SSUH2: variants seen among roughly 807,000 people sequenced by gnomAD.
SSUH2 encodes the protein protein SSUH2 homolog.
In SSUH2, 47 loss-of-function variants were observed where a neutral mutation model predicts 55.3. That is an observed-to-expected ratio of 0.85 (90% CI 0.67 to 1.08). The LOEUF is 1.08. Ranked by LOEUF, SSUH2 falls within the 50% of genes least tolerant of loss-of-function variation. The pLI is 0.00. For synonymous variants in SSUH2, 212 were observed against 191.5 expected (o/e 1.11, Z -0.89); for missense variants, 535 against 490.7 (o/e 1.09, Z -0.85).
intron 7 of SSUH2, among the ~76,000 whole-genome samples, chr3:8,654,339 A>G (rs548970692): frequency 6.6e-6 from 1 of 152,366 alleles, no homozygotes; most frequent in South Asian, 2.1e-4. Context: ...TGAATTTTCA[A>G]CAAAAGAATC....
At chr3:8,678,866 C>A (rs1294143672) in intron 2 of SSUH2, among the ~76,000 whole-genome samples, 2 of 112,194 alleles carry the variant, frequency 1.8e-5, no homozygotes, top group African/African-American at 6.3e-5. Context: ...TTCCCCCAGC[C>A]TGGCTCTTAG....
intron 7 of SSUH2, among the ~76,000 whole-genome samples, chr3:8,649,949 A>G (rs1442713120): frequency 6.6e-6 from 1 of 151,904 alleles, no homozygotes; most frequent in Non-Finnish European, 1.5e-5. Context: ...CCCTACCAAT[A>G]TGGCCTCTGC....
chr3:8,659,281 C>T (rs1703242561), intron 6 of SSUH2, among the ~76,000 whole-genome samples: 1 of 152,094 alleles, frequency 6.6e-6, no homozygotes, highest in African/African-American at 2.4e-5. Context: ...TTAATTGCCT[C>T]CTCTCTTCTT....
chr3:8,629,663 C>CCAGTGGTTCACAGATGACTCAA lies in SSUH2; in HGVS notation c.588_588+1insTTGAGTCATCTGTGAACCACTG (p.Val197LeufsTer5). 6.2e-7 allele frequency: 1 copy of CCAGTGGTTCACAGATGACTCAA among 1,614,102 alleles called. No individual in the cohort carries two copies. Reference sequence around the variant, plus strand: ...TCACCAGTGGTTCACAGATGACTCACCGTGCCCGCCCCGTGGCAGCCGCTG... The same window carrying CCAGTGGTTCACAGATGACTCAA: ...TCACCAGTGGTTCACAGATGACTCACCAGTGGTTCACAGATGACTCAACGTGCCCGCCCCGTGGCAGCCGCTG... On this transcript the variant is annotated stop_gained and frameshift_variant and splice_region_variant. Coordinates refer to ENST00000544814, the MANE Select transcript of SSUH2 (RefSeq NM_001256748.3). LOFTEE classifies it high-confidence loss of function.
chr3:8,672,087 G>C (rs1362798419), intron 3 of SSUH2: 2 of 152,074 alleles, frequency 1.3e-5, no homozygotes, highest in Non-Finnish European at 2.9e-5. Context: ...AGCAGCATTG[G>C]GTGTAGTATC....
chr3:8,631,239 C>A (rs190337818), intron 5 of SSUH2, among the ~76,000 whole-genome samples: 1 of 152,160 alleles, frequency 6.6e-6, no homozygotes, highest in African/African-American at 2.4e-5. Flanking sequence ...ACCTACCATA[C>A]AAGATGGTAG....
chr3:8,674,131 GC>G (rs566286319), intron 3 of SSUH2, among the ~76,000 whole-genome samples: 3 of 152,242 alleles, frequency 2.0e-5, no homozygotes, highest in Non-Finnish European at 4.4e-5. Context: ...GCGAGGAAAA[GC>G]GCAAAGAGAA....
intron 5 of SSUH2, among the ~76,000 whole-genome samples, chr3:8,664,462 A>T (rs1448889553): frequency 6.6e-6 from 1 of 151,914 alleles, no homozygotes; most frequent in Non-Finnish European, 1.5e-5. Context: ...CTCTTTCAAC[A>T]AAATTTCTGA....
At chr3:8,627,463 C>G in intron 8 of SSUH2, 1 of 393,426 alleles carries the variant, frequency 2.5e-6, no homozygotes. Flanking sequence ...GTGGCTCTTT[C>G]TTCACACTCT....
upstream of SSUH2, among the ~76,000 whole-genome samples, chr3:8,647,916 G>A (rs545736706): frequency 5.3e-5 from 8 of 152,358 alleles, no homozygotes; most frequent in African/African-American, 1.9e-4. Context: ...GAGTGGAGGA[G>A]AATGGGCTTG....
chr3:8,619,952 A>AT lies in SSUH2; in HGVS notation c.1043dup (p.Tyr348Ter), dbSNP rs781438143. 6.2e-7 allele frequency: 1 copy of AT among 1,614,192 alleles called. No homozygotes were observed. Among genetic ancestry groups the AT allele is most frequent in the Non-Finnish European group, 8.5e-7 (1 of 1,180,020 alleles). ...EVHYWYQGKT[Y>*]VYYIYGTDHQ... The stretch of plus-strand genomic sequence containing the variant: ...GGTCAGTGCCATAGATGTAGTAGAC[A>AT]TAAGTCTTTCCTTGGTACCAATAGT... Residue 348 changes from tyrosine (Y) to a stop codon, truncating the protein, a stop_gained and frameshift_variant, in exon 12 of 12, where the codon TAT becomes TAAT. Transcript: ENST00000544814. LOFTEE classifies it high-confidence loss of function.
chr3:8,672,797 T>C (rs1472780430), intron 3 of SSUH2, among the ~76,000 whole-genome samples: 2 of 152,156 alleles, frequency 1.3e-5, no homozygotes, highest in South Asian at 2.1e-4. Flanking sequence ...TCCAGGAATA[T>C]GAGGAGGAAT....
rs1413968541 is a variant in SSUH2, at chr3:8,680,972, T to TA, written c.-1046+918_-1046+919insT. On this transcript the variant is annotated intron_variant, in intron 1 of 18. Coordinates refer to the SSUH2 transcript ENST00000317371. The stretch of plus-strand genomic sequence containing the variant: ...GAATTATTATCATCCTCTCCCCCTC[T>TA]TCCCTCCCTGGCTCTTAGGACCCCC... 1.5e-3 allele frequency among the ~76,000 whole-genome samples: 234 copies of TA among 151,654 alleles called. 4 individuals are homozygous for TA. The highest frequency in any genetic ancestry group is 2.7e-3 in the Non-Finnish European group (185 of 67,592).
At chr3:8,626,174 G>C (rs541545765) in intron 9 of SSUH2, 55 bp downstream of exon 9, 1 of 1,449,250 alleles carries the variant, frequency 6.9e-7, no homozygotes, top group East Asian at 2.3e-5. Context: ...GCCAGTCCAG[G>C]GCTAAGTCCC....
chr3:8,681,100 C>T lies in SSUH2; in HGVS notation c.-1046+791G>A, dbSNP rs1387449936. Among the ~76,000 whole-genome samples the T allele has an allele frequency of 9.4e-3, 917 of 97,204 alleles. 103 individuals carry two copies. The highest frequency in any genetic ancestry group is 0.044 in the Middle Eastern group (6 of 136). 63.8% of individuals were successfully genotyped at this position (97,204 alleles called of 152,430 possible). A position where few individuals can be genotyped will look rare whatever the true frequency, so the allele number is the denominator to read the frequency against. The stretch of plus-strand genomic sequence containing the variant: ...CCATAGCAGGGGGGAGAGGCACCCC[C>T]GCGAGGCGGGTTCTGAGAGCCAGCC... On this transcript the variant is annotated intron_variant, in intron 1 of 18. Transcript: ENST00000317371.
rs1286107880 is a variant in SSUH2 at position 8,630,918 on chromosome 3, C to A, written c.412G>T (p.Asp138Tyr). The change falls in exon 6 of 12, where the codon GAT becomes TAT. Residue 138 changes from aspartate to tyrosine, a missense_variant. Transcript: ENST00000544814. ...GGGGAGGCGCCTCTTTGCGGCCCATCCACAGAGTGGTCTGACACAGAAAGG... is the reference window on the plus strand; with the variant it reads ...GGGGAGGCGCCTCTTTGCGGCCCATACACAGAGTGGTCTGACACAGAAAGG... ...TFQPFTNHSV[D>Y]GPQRGASPRL... 4.2e-6 allele frequency: 6 copies of A among 1,435,934 alleles called. No homozygotes were observed. The highest frequency in any genetic ancestry group is 5.5e-5 in the Admixed American group (2 of 36,174). The allele number at this position is 1,435,934 out of a possible 1,614,324, so 88.9% of individuals were successfully genotyped here.
chr3:8,627,512 G>A (rs1697837467), intron 8 of SSUH2, 186 bp downstream of exon 8: 2 of 428,624 alleles, frequency 4.7e-6, no homozygotes, highest in Non-Finnish European at 8.4e-6. Flanking sequence ...GCCTTGTCCA[G>A]AAATGCCAGG....
chr3:8,668,845 T>C (rs1444773030), intron 5 of SSUH2, among the ~76,000 whole-genome samples: 22 of 152,200 alleles, frequency 1.4e-4, no homozygotes, highest in Admixed American at 1.4e-3. Flanking sequence ...CACATGTTAT[T>C]CATGTTATTT....
At chr3:8,625,409 T>G (rs942806135) in intron 10 of SSUH2, 133 bp downstream of exon 10, 7 of 606,494 alleles carry the variant, frequency 1.2e-5, no homozygotes, top group African/African-American at 1.9e-5. Flanking sequence ...CTTATCCATG[T>G]CTGGGGAGCT....
Sources: gnomAD v4.1 joint callset for allele counts (sites outside exome capture counted in the v4.1 genomes callset) on GRCh38, gnomAD v4.1.1 for gene constraint, MANE v1.5 for transcripts, NCBI Gene and HGNC (gene_info 2026-07-23, HGNC 2026-07-21) for gene names.